The following FAM228A variants were observed in gnomAD, a reference collection of about 807,000 sequenced individuals.
FAM228A encodes the protein protein FAM228A.
FAM228A carries 13 observed loss-of-function variants against 18.6 expected under a neutral mutation model. That is an observed-to-expected ratio of 0.70 (90% CI 0.45 to 1.11). The LOEUF is 1.11. Among genes scored for constraint, FAM228A ranks in the 50% least tolerant of loss-of-function variants. FAM228A has a pLI of 0.00. For missense variants in FAM228A, 240 were observed against 242.2 expected (o/e 0.99, Z 0.06); for synonymous variants, 77 against 86.6 (o/e 0.89, Z 0.61).
At chr2:24,187,154 ATACTC>A (rs1475787761) in intron 5 of FAM228A, among the ~76,000 whole-genome samples, 1 of 152,164 alleles carries the variant, frequency 6.6e-6, no homozygotes, top group Non-Finnish European at 1.5e-5. Context: ...CATGTCATTT[ATACTC>A]TACCATGTAC....
Position 24,175,182 on chromosome 2 carries a change from C to T in FAM228A, c.-15+8C>T. ...CCCCGGAGCTGGCCTGAGGTGGGGCCCGGGGAGGCCTACGGGCCTGGGGGT... is the reference window on the plus strand; with the variant it reads ...CCCCGGAGCTGGCCTGAGGTGGGGCTCGGGGAGGCCTACGGGCCTGGGGGT... On this transcript the variant is annotated splice_region_variant and intron_variant, in intron 1 of 5. Transcript: ENST00000295150. 2.9e-6 allele frequency: 1 copy of T among 339,656 alleles called. No homozygotes were observed. The highest frequency in any genetic ancestry group is 5.4e-6 in the Non-Finnish European group (1 of 183,508). The allele number at this position is 339,656 out of a possible 1,614,324, so 21.0% of individuals were successfully genotyped here.
At chr2:24,175,807 G>A (rs976306466) in intron 2 of FAM228A, 8 of 1,005,074 alleles carry the variant, frequency 8.0e-6, no homozygotes, top group Non-Finnish European at 1.1e-5. Flanking sequence ...GGCGGGTGAA[G>A]GCAGCCACCC....
chr2:24,185,045 T>G (rs1573806994), intron 5 of FAM228A, among the ~76,000 whole-genome samples: 1 of 152,058 alleles, frequency 6.6e-6, no homozygotes, highest in South Asian at 2.1e-4. Context: ...ATGGTCTTGA[T>G]CTCTTGACCT....
In FAM228A at chr2:24,177,752, A is replaced by G. The variant is rs141946723; in HGVS notation, c.94-50A>G. The G allele has an allele frequency of 2.0e-4, 208 of 1,033,896 alleles. No homozygotes were observed. In the African/African-American group the frequency reaches 3.0e-3, roughly 15 times the overall value. The allele number at this position is 1,033,896 out of a possible 1,614,324, so 64.0% of individuals were successfully genotyped here. A position where few individuals can be genotyped will look rare whatever the true frequency, so the allele number is the denominator to read the frequency against. On this transcript the variant is annotated intron_variant, in intron 2 of 5. Transcript: ENST00000295150. The stretch of plus-strand genomic sequence containing the variant: ...AAAGTACACTGAGTTTTGTCATTGT[A>G]GTTTGTTTCTTCAGGATTCACATCT...
At chr2:24,175,311 G>T in intron 1 of FAM228A, 137 bp downstream of exon 1, 1 of 630,294 alleles carries the variant, frequency 1.6e-6, no homozygotes, top group South Asian at 1.8e-5. Context: ...CGGGCCTGTT[G>T]AAGCGCCTAG....
At chr2:24,179,966 A>C (rs1341433458) in intron 3 of FAM228A, among the ~76,000 whole-genome samples, 1 of 152,228 alleles carries the variant, frequency 6.6e-6, no homozygotes, top group Non-Finnish European at 1.5e-5. Flanking sequence ...ACCAGTAGGT[A>C]TTAGGACTAA....
chr2:24,179,474 A>G (rs1667766105), intron 3 of FAM228A, among the ~76,000 whole-genome samples: 1 of 152,164 alleles, frequency 6.6e-6, no homozygotes, highest in Admixed American at 6.5e-5. Context: ...TTGATTTGGA[A>G]CTAGATTTAT....
At chr2:24,176,269 A>C (rs1248854139) in intron 2 of FAM228A, 2 of 880,918 alleles carry the variant, frequency 2.3e-6, no homozygotes, top group Non-Finnish European at 2.7e-6. Flanking sequence ...CAAATAAATA[A>C]ATAGATTCTA....
intron 2 of FAM228A, chr2:24,176,330 T>G (rs780702739): frequency 5.8e-5 from 26 of 449,458 alleles, no homozygotes; most frequent in Admixed American, 1.4e-4. Context: ...ACATACTTTT[T>G]CAGTTGCCAT....
chr2:24,178,766 A>G (rs145045586), intron 3 of FAM228A, among the ~76,000 whole-genome samples: 25 of 152,300 alleles, frequency 1.6e-4, no homozygotes, highest in African/African-American at 5.5e-4. Flanking sequence ...CTGATGGTGA[A>G]GGCTAGACAC....
intron 2 of FAM228A, among the ~76,000 whole-genome samples, chr2:24,176,931 A>G (rs1391852967): frequency 3.3e-5 from 5 of 152,222 alleles, no homozygotes; most frequent in African/African-American, 1.2e-4. Context: ...GATCCAACTG[A>G]AAAAGCCCTA....
chr2:24,177,998 CTAATT>C, intron 3 of FAM228A, 128 bp downstream of exon 3: 1 of 604,010 alleles, frequency 1.7e-6, no homozygotes, highest in Non-Finnish European at 2.9e-6. Context: ...TGAGGATCCT[CTAATT>C]TACTTGTTTG....
intron 3 of FAM228A, among the ~76,000 whole-genome samples, chr2:24,181,804 T>C (rs987921448): frequency 6.6e-6 from 1 of 152,162 alleles, no homozygotes; most frequent in African/African-American, 2.4e-5. Context: ...TTAGAAGTCT[T>C]GTAGTTATTG....
At chr2:24,182,852 A>C (rs1313157032) in intron 3 of FAM228A, among the ~76,000 whole-genome samples, 3 of 152,074 alleles carry the variant, frequency 2.0e-5, no homozygotes, top group Non-Finnish European at 4.4e-5. Context: ...CGTCTCTTCT[A>C]TCTGGGCGGC....
At chr2:24,190,034 C>A (rs1180235104) in intron 5 of FAM228A, among the ~76,000 whole-genome samples, 1 of 152,190 alleles carries the variant, frequency 6.6e-6, no homozygotes, top group South Asian at 2.1e-4. Flanking sequence ...GTTTCTCTTT[C>A]TTTGCACATG....
At chr2:24,179,089 C>T in intron 3 of FAM228A, 4 of 939,736 alleles carry the variant, frequency 4.3e-6, no homozygotes, top group South Asian at 7.4e-5. Flanking sequence ...ATTTATTTTC[C>T]TTTTTTGTAT....
At chr2:24,183,244 G>A (rs1015879169) in intron 3 of FAM228A, 41 bp from the exon 4 acceptor site, 1 of 1,370,856 alleles carries the variant, frequency 7.3e-7, no homozygotes, top group South Asian at 1.2e-5. Flanking sequence ...GCTTAATACA[G>A]ACTGCACTCT....
chr2:24,175,375 C>A, intron 1 of FAM228A, 92 bp from the exon 2 acceptor site: 1 of 902,518 alleles, frequency 1.1e-6, no homozygotes, highest in South Asian at 1.4e-5. Context: ...TAGAAAGGGG[C>A]CGAGCGGGAT....
chr2:24,175,634 C>A, intron 2 of FAM228A, 61 bp downstream of exon 2: 1 of 1,242,630 alleles, frequency 8.0e-7, no homozygotes, highest in Non-Finnish European at 1.2e-6. Context: ...AGTTTGGGAA[C>A]TGTTTATCTT....
Sources: gnomAD v4.1 joint callset for allele counts (sites outside exome capture counted in the v4.1 genomes callset) on GRCh38, gnomAD v4.1.1 for gene constraint, MANE v1.5 for transcripts, NCBI Gene and HGNC (gene_info 2026-07-23, HGNC 2026-07-21) for gene names.